NLGN1: variants seen among roughly 807,000 people sequenced by gnomAD.
NLGN1 encodes the protein neuroligin 1, also known as neuroligin-1.
NLGN1 carries 12 observed loss-of-function variants against 65.5 expected under a neutral mutation model. The ratio of observed to expected loss-of-function variants is 0.18; its 90% confidence interval spans 0.12 to 0.30. NLGN1 has a LOEUF of 0.30. Among genes scored for constraint, NLGN1 ranks in the 10% least tolerant of loss-of-function variants. The probability of loss-of-function intolerance (pLI) is 1.00; values close to 1 mark genes in which losing one functional copy is unlikely to be tolerated. For missense variants in NLGN1, 750 were observed against 1,007.1 expected, an observed-to-expected ratio of 0.74 and a Z score of 3.46; for synonymous variants, 350 against 359.5, an observed-to-expected ratio of 0.97 and a Z score of 0.30.
At chr3:173,629,797 GAC>G (rs1320432282) in intron 3 of NLGN1, among the ~76,000 whole-genome samples, 1 of 151,564 alleles carries the variant, frequency 6.6e-6, no homozygotes, top group African/African-American at 2.4e-5. Context: ...AAAAAAAAGA[GAC>G]ACGACTGTGT....
At chr3:174,092,894 G>A (rs553703781) in intron 4 of NLGN1, among the ~76,000 whole-genome samples, 75 of 152,154 alleles carry the variant, frequency 4.9e-4, no homozygotes, top group South Asian at 4.8e-3. Flanking sequence ...TTCCCCCAAT[G>A]TTTCATTCAT....
At chr3:173,584,884 A>G (rs1747086240) in intron 2 of NLGN1, 1 of 152,134 alleles carries the variant, frequency 6.6e-6, no homozygotes, top group South Asian at 2.1e-4. Context: ...GGTGCTCGAG[A>G]TTTCAAAAAA....
At chr3:173,658,744 G>T (rs79311165) in intron 3 of NLGN1, among the ~76,000 whole-genome samples, 4,172 of 152,062 alleles carry the variant, frequency 0.027, 180 homozygotes, top group African/African-American at 0.095. Context: ...AGGGTATGTA[G>T]GCATGGTGTT....
intron 4 of NLGN1, among the ~76,000 whole-genome samples, chr3:174,086,391 A>G (rs1743405247): frequency 6.9e-6 from 1 of 144,548 alleles, no homozygotes; most frequent in African/African-American, 2.6e-5. Flanking sequence ...ATACTTTTTA[A>G]TTTTTTTGCC....
intron 3 of NLGN1, among the ~76,000 whole-genome samples, chr3:173,803,609 CAA>C (rs915490555): frequency 6.6e-6 from 1 of 151,430 alleles, no homozygotes; most frequent in Admixed American, 6.6e-5. Context: ...TTCTGTCAAA[CAA>C]AAAAAATTAA....
At chr3:173,943,392 C>T (rs1415678419) in intron 4 of NLGN1, among the ~76,000 whole-genome samples, 2 of 152,146 alleles carry the variant, frequency 1.3e-5, no homozygotes, top group African/African-American at 2.4e-5. Flanking sequence ...AACCAAACAG[C>T]TCTTAAGGCT....
intron 4 of NLGN1, among the ~76,000 whole-genome samples, chr3:174,169,221 T>C (rs1214136678): frequency 6.6e-6 from 1 of 152,112 alleles, no homozygotes; most frequent in Non-Finnish European, 1.5e-5. Context: ...CAAGGATCTC[T>C]GCACAAGAAG....
intron 4 of NLGN1, among the ~76,000 whole-genome samples, chr3:174,172,113 ATT>A (rs1728656725): frequency 6.6e-6 from 1 of 151,692 alleles, no homozygotes; most frequent in South Asian, 2.1e-4. Flanking sequence ...ATGTTTTTAA[ATT>A]TTTTTAATTT....
intron 2 of NLGN1, among the ~76,000 whole-genome samples, chr3:173,550,247 A>G (rs1740609718): frequency 6.6e-6 from 1 of 152,126 alleles, no homozygotes; most frequent in Non-Finnish European, 1.5e-5. Flanking sequence ...TGTTTATAAT[A>G]TATGCAGAGA....
chr3:173,403,935 C>T (rs1718161650), intron 1 of NLGN1, among the ~76,000 whole-genome samples: 1 of 151,924 alleles, frequency 6.6e-6, no homozygotes, highest in Non-Finnish European at 1.5e-5. Flanking sequence ...TACTGTGTTC[C>T]GTAAACTGCT....
intron 3 of NLGN1, among the ~76,000 whole-genome samples, chr3:173,610,805 GT>G (rs1441385798): frequency 1.3e-5 from 2 of 151,912 alleles, no homozygotes; most frequent in African/African-American, 4.8e-5. Flanking sequence ...AAGATTTGGA[GT>G]GGCTTAACAT....
chr3:173,447,142 G>A (rs1357533496), intron 2 of NLGN1, among the ~76,000 whole-genome samples: 4 of 152,316 alleles, frequency 2.6e-5, no homozygotes, highest in African/African-American at 9.6e-5. Flanking sequence ...CCTTGCCCAT[G>A]CCTATGTCCT....
chr3:173,786,558 A>C (rs1051429675), intron 3 of NLGN1, among the ~76,000 whole-genome samples: 1 of 113,970 alleles, frequency 8.8e-6, no homozygotes, highest in African/African-American at 4.8e-5. Flanking sequence ...TAATACACAC[A>C]CACACACACA....
At chr3:173,590,177 G>T (rs1351338349) in intron 2 of NLGN1, among the ~76,000 whole-genome samples, 1 of 152,096 alleles carries the variant, frequency 6.6e-6, no homozygotes, top group Non-Finnish European at 1.5e-5. Flanking sequence ...AGAGCTAAAA[G>T]GAATAAAAGT....
chr3:173,498,828 G>A lies in NLGN1; in HGVS notation c.-321+63750G>A, dbSNP rs1452218463. 1.3e-5 allele frequency among the ~76,000 whole-genome samples: 2 copies of A among 151,660 alleles called. 1 individual carries two copies. The highest frequency in any genetic ancestry group is 4.9e-5 in the African/African-American group (2 of 41,038). ...AGTGATGATGAGCATTTTTTCATGT[G>A]TCTGTTGGCTGCATAAATATCTTCT... On this transcript the variant is annotated intron_variant, in intron 2 of 6. Coordinates refer to ENST00000457714, the Ensembl canonical transcript of NLGN1.
At chr3:173,712,452 G>C (rs1287870684) in intron 3 of NLGN1, among the ~76,000 whole-genome samples, 2 of 152,122 alleles carry the variant, frequency 1.3e-5, no homozygotes, top group Non-Finnish European at 2.9e-5. Flanking sequence ...TAGCTCAGTG[G>C]TTAAGATTTA....
intron 4 of NLGN1, among the ~76,000 whole-genome samples, chr3:173,986,785 T>C (rs1054695969): frequency 6.6e-6 from 1 of 152,184 alleles, no homozygotes; most frequent in Non-Finnish European, 1.5e-5. Flanking sequence ...AAATTCCTCC[T>C]TCCAGACTAC....
intron 4 of NLGN1, among the ~76,000 whole-genome samples, chr3:174,047,481 A>T (rs1001475711): frequency 6.6e-6 from 1 of 152,100 alleles, no homozygotes; most frequent in Non-Finnish European, 1.5e-5. Context: ...TTGCCACCAT[A>T]TGCACATACT....
At chr3:174,097,059 C>T (rs1745664803) in intron 4 of NLGN1, among the ~76,000 whole-genome samples, 1 of 151,566 alleles carries the variant, frequency 6.6e-6, no homozygotes. Context: ...TCCATTTATT[C>T]ACCTTGGGAA....
Sources: gnomAD v4.1 joint callset for allele counts (sites outside exome capture counted in the v4.1 genomes callset) on GRCh38, gnomAD v4.1.1 for gene constraint, MANE v1.5 for transcripts, NCBI Gene and HGNC (gene_info 2026-07-23, HGNC 2026-07-21) for gene names.